Variants in ALDH6A1 observed in about 807,000 individuals in gnomAD.
ALDH6A1 encodes the protein aldehyde dehydrogenase 6 family member A1.
Under a neutral mutation model 62.6 loss-of-function variants are expected in ALDH6A1, and 43 were observed. The ratio of observed to expected loss-of-function variants is 0.69; its 90% CI spans 0.54 to 0.89. The LOEUF (loss-of-function observed/expected upper bound fraction) is 0.89, where lower values mean the gene tolerates loss of function less well. Ranked by LOEUF, ALDH6A1 falls within the 40% of genes least tolerant of loss-of-function variation. ALDH6A1 has a pLI of 0.00. For missense variants in ALDH6A1, 551 were observed against 661.3 expected (o/e 0.83, Z 1.83); for synonymous variants, 194 against 234.2 (o/e 0.83, Z 1.57).
chr14:74,056,904 A>G lies in ALDH6A1; in HGVS notation c.*3738T>C, dbSNP rs1340364106. The G allele has an allele frequency of 2.5e-6, 4 of 1,609,684 alleles. No individual in the cohort carries two copies. Among genetic ancestry groups the G allele is most frequent in the Non-Finnish European group, 1.7e-6 (2 of 1,176,178 alleles). On this transcript the variant is annotated 3_prime_UTR_variant, in exon 12 of 12. Transcript: ENST00000553458. ...ATCTTTGTTGACTTTTACCCACTAC[A>G]GGAAATACAACCAGAGTTCTAGGCC...
Position 74,066,721 on chromosome 14 carries a change from ATGGT to A in ALDH6A1, c.1204_1207del (p.Thr402SerfsTer9). The A allele has an allele frequency of 6.2e-7, 1 of 1,614,114 alleles. No individual in the cohort carries two copies. The highest frequency in any genetic ancestry group is 8.5e-7 in the Non-Finnish European group (1 of 1,180,012). On this transcript the variant is annotated frameshift_variant, in exon 9 of 12. Transcript: ENST00000553458. LOFTEE classifies it high-confidence loss of function. ...GTTGTTCACCTTGACATTCGAGATG[ATGGT>A]TGGTCCAACAAAGTTGCCATTTTCA...
At chr14:74,069,209 A>G (rs1324640702) in intron 6 of ALDH6A1, 1 of 418,068 alleles carries the variant, frequency 2.4e-6, no homozygotes, top group Admixed American at 3.6e-5. Flanking sequence ...GGTTCAAGCA[A>G]TTCTCTGCCT....
At chr14:74,060,820 G>T in intron 11 of ALDH6A1, 74 bp from the exon 12 acceptor site, 1 of 1,115,452 alleles carries the variant, frequency 9.0e-7, no homozygotes, top group South Asian at 1.2e-5. Context: ...GCTTTTGAAG[G>T]AGGTATTATA....
intron 2 of ALDH6A1, among the ~76,000 whole-genome samples, chr14:74,073,395 G>A (rs967148052): frequency 2.0e-5 from 3 of 151,608 alleles, no homozygotes; most frequent in African/African-American, 2.4e-5. Context: ...GTGAGTCATC[G>A]TGCCCAGACT....
At chr14:74,070,875 T>C (rs767887788) in intron 6 of ALDH6A1, 10 of 343,632 alleles carry the variant, frequency 2.9e-5, no homozygotes, top group Non-Finnish European at 5.5e-5. Flanking sequence ...CTCTGAGATC[T>C]GCAAATTCTC....
chr14:74,075,689 G>T (rs1194783311), intron 1 of ALDH6A1, among the ~76,000 whole-genome samples: 1 of 151,730 alleles, frequency 6.6e-6, no homozygotes, highest in Non-Finnish European at 1.5e-5. Flanking sequence ...ATAAATATAA[G>T]TAATAGAGTA....
chr14:74,071,082 T>C, intron 6 of ALDH6A1, 113 bp downstream of exon 6: 1 of 1,085,284 alleles, frequency 9.2e-7, no homozygotes, highest in South Asian at 1.3e-5. Flanking sequence ...TTAAAATGAG[T>C]AAATCCTTTC....
In ALDH6A1 at chr14:74,057,899, GT is replaced by G. The variant is rs891449814; in HGVS notation, c.*2742del. 9.0e-6 allele frequency: 9 copies of G among 995,120 alleles called. No homozygotes were observed. The African/African-American group carries it at 1.6e-4, about 17-fold the overall frequency. 61.6% of individuals were successfully genotyped at this position (995,120 alleles called of 1,614,324 possible). On this transcript the variant is annotated 3_prime_UTR_variant, in exon 12 of 12. Transcript: ENST00000553458. The stretch of plus-strand genomic sequence containing the variant: ...AGAGCATCACAGTTCTGATTAGTGT[GT>G]TTTTTTAGAAGTGATTTCCCTTAAA...
Position 74,057,192 on chromosome 14 carries a change from A to G in ALDH6A1, c.*3450T>C. On this transcript the variant is annotated 3_prime_UTR_variant, in exon 12 of 12. Coordinates refer to ENST00000553458, the MANE Select transcript of ALDH6A1 (RefSeq NM_005589.4). ...AAATCTTCATCACCCAGCAAATTGC[A>G]ATATCAGACTCTTCTGGTGAAGTGG... 5 of 1,613,862 alleles carry G rather than the reference A, an allele frequency of 3.1e-6. No homozygotes were observed. The highest frequency in any genetic ancestry group is 4.2e-6 in the Non-Finnish European group (5 of 1,179,778).
At chr14:74,080,168 C>T (rs182565326) in intron 1 of ALDH6A1, among the ~76,000 whole-genome samples, 10 of 152,258 alleles carry the variant, frequency 6.6e-5, no homozygotes, top group Admixed American at 6.5e-4. Flanking sequence ...AAAGGAGAAA[C>T]CCAGATACTA....
chr14:74,062,426 A>G (rs947869756), intron 11 of ALDH6A1, among the ~76,000 whole-genome samples: 2 of 151,984 alleles, frequency 1.3e-5, no homozygotes, highest in Admixed American at 1.3e-4. Flanking sequence ...ACATGGCGAA[A>G]CCCCGTCTCT....
intron 1 of ALDH6A1, 23 bp from the exon 2 acceptor site, chr14:74,075,040 T>G (rs748583485): frequency 6.2e-7 from 1 of 1,611,166 alleles, no homozygotes. Context: ...AGAACGATTA[T>G]TTTGATAAAT....
rs779723532 is a variant in ALDH6A1 at position 74,071,883 on chromosome 14, GC to G, written c.427+12del. On this transcript the variant is annotated intron_variant, in intron 5 of 11. Coordinates refer to ENST00000553458, the MANE Select transcript of ALDH6A1 (RefSeq NM_005589.4). ...GTCCTTCCCAAAAGTCCCATAAGGG[GC>G]TCCCAGCTTACGAAGGCCTCGAAAT... 3 of 1,613,580 alleles carry G rather than the reference GC, an allele frequency of 1.9e-6. No homozygotes were observed. The highest frequency in any genetic ancestry group is 1.3e-5 in the African/African-American group (1 of 74,894).
chr14:74,063,464 C>T (rs140011588), intron 11 of ALDH6A1, among the ~76,000 whole-genome samples: 1,941 of 151,984 alleles, frequency 0.013, 39 homozygotes, highest in African/African-American at 0.044. Context: ...GGATTACAGG[C>T]GTAAGCCACT....
chr14:74,067,395 G>A lies in ALDH6A1; in HGVS notation c.1027C>T (p.Leu343=). 1 of 1,613,434 alleles carries A rather than the reference G, an allele frequency of 6.2e-7. No homozygotes were observed. The highest frequency in any genetic ancestry group is 2.2e-5 in the East Asian group (1 of 44,900). ...LPELVEHAKN[L]RVNAGDQPGA... ...GATTGATTACCTGCATTGACTCTCA[G>A]GTTTTTGGCATGCTCCACCAGCTCT... The change falls in exon 8 of 12, where the codon CTG becomes TTG. Residue 343 remains leucine (L), a synonymous_variant. Transcript: ENST00000553458.
chr14:74,058,956 T>G lies in ALDH6A1; in HGVS notation c.*1686A>C. 6.5e-6 allele frequency: 1 copy of G among 154,268 alleles called. No individual in the cohort carries two copies. Among genetic ancestry groups the G allele is most frequent in the South Asian group, 2.0e-4 (1 of 5,008 alleles). 9.6% of individuals were successfully genotyped at this position (154,268 alleles called of 1,614,324 possible). ...AAAATTAGCCAGGCATGGTGGCGTA[T>G]GCCTGAAATCCCAGCTACTCAGGAG... On this transcript the variant is annotated 3_prime_UTR_variant, in exon 12 of 12. Transcript: ENST00000553458.
At position 74,057,925 on chromosome 14, in the gene ALDH6A1, A is replaced by G. The variant is rs971300533; in HGVS notation, c.*2717T>C. The G allele has an allele frequency of 1.4e-5, 14 of 991,702 alleles. No individual in the cohort carries two copies. Among genetic ancestry groups the G allele is most frequent in the Non-Finnish European group, 1.7e-5 (14 of 832,460 alleles). The allele number at this position is 991,702 out of a possible 1,614,324, so 61.4% of individuals were successfully genotyped here. A position where few individuals can be genotyped will look rare whatever the true frequency, so the allele number is the denominator to read the frequency against. ...TTTTTTTAGAAGTGATTTCCCTTAA[A>G]TATAAGGAAAATGTTAGGAATCTCT... is the stretch of plus-strand genomic sequence containing the variant. On this transcript the variant is annotated 3_prime_UTR_variant, in exon 12 of 12. Transcript: ENST00000553458.
intron 9 of ALDH6A1, 155 bp from the exon 10 acceptor site, chr14:74,065,515 G>T: frequency 1.3e-6 from 1 of 746,102 alleles, no homozygotes; most frequent in Non-Finnish European, 2.2e-6. Flanking sequence ...TAAAAAAAAA[G>T]TCCTCTCTCA....
At chr14:74,084,323 T>C (rs370263499) in intron 1 of ALDH6A1, 24 bp downstream of exon 1, 117 of 1,613,554 alleles carry the variant, frequency 7.3e-5, no homozygotes, top group Non-Finnish European at 9.5e-5. Context: ...AGCTTCATGG[T>C]GCCTTGGCAC....
Sources: gnomAD v4.1 joint callset for allele counts (sites outside exome capture counted in the v4.1 genomes callset) on GRCh38, gnomAD v4.1.1 for gene constraint, MANE v1.5 for transcripts, NCBI Gene and HGNC (gene_info 2026-07-23, HGNC 2026-07-21) for gene names.